ENTREP2: variants seen among roughly 807,000 people sequenced by gnomAD.
ENTREP2 encodes protein ENTREP2.
At chr15:29,312,737 G>C in the ENTREP2 span, among the ~76,000 whole-genome samples, 3 of 152,080 alleles carry the variant, frequency 2.0e-5, no homozygotes, top group Non-Finnish European at 2.9e-5. Flanking sequence ...CTGCCTATCT[G>C]TTCCCTGAGA....
the ENTREP2 span, among the ~76,000 whole-genome samples, chr15:29,480,043 G>A: frequency 2.4e-3 from 370 of 152,182 alleles, 1 homozygote; most frequent in African/African-American, 8.3e-3. Flanking sequence ...TGTTCACTAC[G>A]CAAATTTGGG....
At chr15:29,628,728 CTG>C in the ENTREP2 span, among the ~76,000 whole-genome samples, 1 of 152,236 alleles carries the variant, frequency 6.6e-6, no homozygotes, top group East Asian at 1.9e-4. Flanking sequence ...TTTAAGATCA[CTG>C]TGTGTTTTTG....
chr15:29,175,922 C>T, the ENTREP2 span, among the ~76,000 whole-genome samples: 1 of 152,334 alleles, frequency 6.6e-6, no homozygotes, highest in East Asian at 1.9e-4. Context: ...TCTTTCATTG[C>T]TCTACTTTCT....
the ENTREP2 span, among the ~76,000 whole-genome samples, chr15:29,445,892 T>A: frequency 6.6e-6 from 1 of 152,150 alleles, no homozygotes; most frequent in Non-Finnish European, 1.5e-5. Flanking sequence ...GCAGACAGTG[T>A]CAGGACTGAA....
the ENTREP2 span, among the ~76,000 whole-genome samples, chr15:29,518,994 C>T: frequency 1.3e-5 from 2 of 152,168 alleles, no homozygotes; most frequent in African/African-American, 4.8e-5. Context: ...CCCTCTCCAC[C>T]AGTGAGTACT....
At chr15:29,478,009 A>G in the ENTREP2 span, among the ~76,000 whole-genome samples, 1 of 70,910 alleles carries the variant, frequency 1.4e-5, no homozygotes, top group Non-Finnish European at 2.6e-5. Flanking sequence ...ATATATATAT[A>G]TATATATATA....
chr15:29,578,411 G>C, the ENTREP2 span, among the ~76,000 whole-genome samples: 1 of 152,184 alleles, frequency 6.6e-6, no homozygotes, highest in Non-Finnish European at 1.5e-5. Flanking sequence ...TATCATTGGA[G>C]GGCTGGAAGC....
At chr15:29,269,479 G>A in the ENTREP2 span, 1 of 1,611,540 alleles carries the variant, frequency 6.2e-7, no homozygotes, top group Non-Finnish European at 8.5e-7. Flanking sequence ...GGGCCCCACG[G>A]CGGGGGCGGC....
At chr15:29,481,626 T>C in the ENTREP2 span, among the ~76,000 whole-genome samples, 1 of 152,162 alleles carries the variant, frequency 6.6e-6, no homozygotes, top group African/African-American at 2.4e-5. Flanking sequence ...AGATTAAAAA[T>C]ATTAAATTAT....
the ENTREP2 span, among the ~76,000 whole-genome samples, chr15:29,597,544 G>A: frequency 6.6e-6 from 1 of 150,504 alleles, no homozygotes; most frequent in African/African-American, 2.4e-5. Flanking sequence ...CTCTAGCCTG[G>A]GCAACAAGAG....
chr15:29,534,106 C>CAAAAAAAAA, the ENTREP2 span, among the ~76,000 whole-genome samples: 9 of 44,910 alleles, frequency 2.0e-4, no homozygotes, highest in African/African-American at 4.0e-4. Flanking sequence ...GCCCCTTGGC[C>CAAAAAAAAA]AAAAAAAAAA....
chr15:29,482,449 T>C, the ENTREP2 span, among the ~76,000 whole-genome samples: 1 of 152,226 alleles, frequency 6.6e-6, no homozygotes, highest in Non-Finnish European at 1.5e-5. Flanking sequence ...TCCACCATTG[T>C]AGTATCTTAA....
At chr15:29,617,582 A>G in the ENTREP2 span, among the ~76,000 whole-genome samples, 8 of 152,332 alleles carry the variant, frequency 5.3e-5, no homozygotes, top group African/African-American at 1.9e-4. Flanking sequence ...ATATTAAGAA[A>G]CATGATGGAA....
chr15:29,247,320 G>A, the ENTREP2 span, among the ~76,000 whole-genome samples: 1 of 152,156 alleles, frequency 6.6e-6, no homozygotes, highest in African/African-American at 2.4e-5. Flanking sequence ...TTAATATGAT[G>A]CCAATTCAAA....
the ENTREP2 span, among the ~76,000 whole-genome samples, chr15:29,382,281 C>G: frequency 2.0e-5 from 3 of 150,356 alleles, no homozygotes; most frequent in Non-Finnish European, 4.4e-5. Flanking sequence ...AAAAAAATCA[C>G]AGAGAACACT....
At chr15:29,177,615 T>C in the ENTREP2 span, among the ~76,000 whole-genome samples, 2 of 152,116 alleles carry the variant, frequency 1.3e-5, no homozygotes, top group Non-Finnish European at 2.9e-5. Context: ...AAACTCAGTC[T>C]AGAGGGACAC....
the ENTREP2 span, among the ~76,000 whole-genome samples, chr15:29,451,120 G>A: frequency 6.6e-6 from 1 of 152,278 alleles, no homozygotes; most frequent in South Asian, 2.1e-4. Flanking sequence ...AAAAAGAAGT[G>A]TTAACAGCTC....
chr15:29,630,578 T>C, the ENTREP2 span, among the ~76,000 whole-genome samples: 2 of 152,344 alleles, frequency 1.3e-5, no homozygotes, highest in South Asian at 2.1e-4. Flanking sequence ...GCTTCACAAA[T>C]TTTCTCCTAT....
chr15:29,665,706 T>G, the ENTREP2 span, among the ~76,000 whole-genome samples: 2 of 152,132 alleles, frequency 1.3e-5, no homozygotes, highest in Non-Finnish European at 2.9e-5. Flanking sequence ...GGCCACATCT[T>G]GGACTCTAAC....
Sources: gnomAD v4.1 joint callset for allele counts (sites outside exome capture counted in the v4.1 genomes callset) on GRCh38, gnomAD v4.1.1 for gene constraint, MANE v1.5 for transcripts, NCBI Gene and HGNC (gene_info 2026-07-23, HGNC 2026-07-21) for gene names.